Variants in GUCY1A2 observed in about 807,000 individuals in gnomAD.
The protein encoded by GUCY1A2 is guanylate cyclase soluble subunit alpha-2.
GUCY1A2 carries 27 observed loss-of-function variants against 63.5 expected under a neutral mutation model. The ratio of observed to expected loss-of-function variants is 0.43; its 90% CI spans 0.31 to 0.59. GUCY1A2 has a LOEUF of 0.59. GUCY1A2 is among the 20% of genes least tolerant of loss of function. The pLI, the probability that GUCY1A2 is intolerant of heterozygous loss-of-function variation, is 0.11. For synonymous variants in GUCY1A2, 364 were observed against 343.5 expected, an observed-to-expected ratio of 1.06 and a Z score of -0.66; for missense variants, 768 against 913.3, an observed-to-expected ratio of 0.84 and a Z score of 2.05.
intron 3 of GUCY1A2, among the ~76,000 whole-genome samples, chr11:106,968,231 T>C (rs1241601077): frequency 1.3e-5 from 2 of 152,188 alleles, no homozygotes; most frequent in Non-Finnish European, 2.9e-5. Context: ...AATCAAAATA[T>C]CTGGGTATCA....
Position 106,831,845 on chromosome 11 carries a change from G to A in GUCY1A2, c.1207-21367C>T, listed in dbSNP as rs181206255. 7.2e-5 allele frequency among the ~76,000 whole-genome samples: 11 copies of A among 152,208 alleles called. No individual in the cohort carries two copies. The East Asian group carries it at 1.9e-3, about 27-fold the overall frequency. On this transcript the variant is annotated intron_variant, in intron 4 of 7. Transcript: ENST00000526355. The stretch of plus-strand genomic sequence containing the variant: ...AATACTTACCTTGACTAATATACCA[G>A]GTCTTGGTAAGAAATCATTTTCCCC...
In GUCY1A2 at chr11:106,964,010, C is replaced by T. The variant is rs762024830; in HGVS notation, c.487+14609G>A. On this transcript the variant is annotated intron_variant, in intron 3 of 7. Transcript: ENST00000526355. ...TTTGTGCCATTTGCTTTCTTATTCT[C>T]TCTCATTCCCCCTTCTCTTTTGCTA... 1.3e-4 allele frequency among the ~76,000 whole-genome samples: 20 copies of T among 151,872 alleles called. 1 individual carries two copies. Among genetic ancestry groups the T allele is most frequent in the Non-Finnish European group, 2.8e-4 (19 of 67,916 alleles).
At chr11:106,832,762 G>A (rs933884297) in intron 4 of GUCY1A2, among the ~76,000 whole-genome samples, 1 of 152,072 alleles carries the variant, frequency 6.6e-6, no homozygotes, top group Non-Finnish European at 1.5e-5. Context: ...TTATTTGGAT[G>A]CACATTGGTT....
At chr11:106,806,348 G>T (rs73551838) in intron 5 of GUCY1A2, among the ~76,000 whole-genome samples, 1 of 152,266 alleles carries the variant, frequency 6.6e-6, no homozygotes, top group African/African-American at 2.4e-5. Flanking sequence ...AAAAGATGGG[G>T]ATGCTAAAGA....
intron 3 of GUCY1A2, among the ~76,000 whole-genome samples, chr11:106,951,330 A>G (rs1027021875): frequency 3.3e-5 from 5 of 152,192 alleles, no homozygotes; most frequent in African/African-American, 1.2e-4. Context: ...GTCTTCCACA[A>G]TGGTTGAACT....
At chr11:106,875,717 A>G (rs1859739573) in intron 4 of GUCY1A2, among the ~76,000 whole-genome samples, 1 of 152,130 alleles carries the variant, frequency 6.6e-6, no homozygotes, top group South Asian at 2.1e-4. Flanking sequence ...ATACTAAATG[A>G]CCATCAATTA....
chr11:106,961,666 A>G (rs1192943419), intron 3 of GUCY1A2, among the ~76,000 whole-genome samples: 1 of 152,240 alleles, frequency 6.6e-6, no homozygotes, highest in Admixed American at 6.5e-5. Context: ...AAGAGTCACA[A>G]TTAAAGAAGC....
intron 3 of GUCY1A2, among the ~76,000 whole-genome samples, chr11:106,944,350 G>A (rs1378266595): frequency 6.6e-6 from 1 of 151,888 alleles, no homozygotes. Context: ...GGAGGCTGAG[G>A]TGGGAGAATC....
chr11:106,799,540 G>C (rs1397186677), intron 5 of GUCY1A2, among the ~76,000 whole-genome samples: 1 of 152,120 alleles, frequency 6.6e-6, no homozygotes, highest in Non-Finnish European at 1.5e-5. Context: ...TACCAAAACA[G>C]AGATGTAGAC....
At chr11:106,697,740 A>C (rs952994335) in intron 7 of GUCY1A2, among the ~76,000 whole-genome samples, 3 of 152,214 alleles carry the variant, frequency 2.0e-5, no homozygotes, top group African/African-American at 7.2e-5. Context: ...TAATTCTGAG[A>C]GTGAATAAAT....
In GUCY1A2 at chr11:106,706,904, T is replaced by C. The variant is rs568325982; in HGVS notation, c.1991+1608A>G. Among the ~76,000 whole-genome samples the C allele has an allele frequency of 2.4e-4, 37 of 152,292 alleles. 1 individual carries two copies. The highest frequency in any genetic ancestry group is 8.4e-4 in the African/African-American group (35 of 41,572). On this transcript the variant is annotated intron_variant, in intron 7 of 7. Transcript: ENST00000526355. ...ATGGTAATTGTTGTCAGATCATCTGTAATATGCCCAGAATTGTGTTGGGAA... is the reference window on the plus strand; with the variant it reads ...ATGGTAATTGTTGTCAGATCATCTGCAATATGCCCAGAATTGTGTTGGGAA...
chr11:106,873,058 T>G (rs772422219), intron 4 of GUCY1A2, among the ~76,000 whole-genome samples: 1 of 152,220 alleles, frequency 6.6e-6, no homozygotes, highest in Non-Finnish European at 1.5e-5. Context: ...CTGAGAATGA[T>G]AGCTTGCAGC....
At chr11:106,758,879 G>A (rs1166016530) in intron 6 of GUCY1A2, among the ~76,000 whole-genome samples, 4 of 152,162 alleles carry the variant, frequency 2.6e-5, no homozygotes, top group African/African-American at 9.7e-5. Flanking sequence ...TCAAAGGGGA[G>A]AGATGAAAGG....
chr11:106,679,815 C>A lies in GUCY1A2; in HGVS notation c.*7734G>T, dbSNP rs905328109. On this transcript the variant is annotated 3_prime_UTR_variant, in exon 8 of 8. Coordinates refer to ENST00000526355, the MANE Select transcript of GUCY1A2 (RefSeq NM_000855.3). The stretch of plus-strand genomic sequence containing the variant: ...CTTTCATTTACCTTAATCATTGTAA[C>A]CAAGACTAGTTCTATCTGCCACCTT... 4.6e-6 allele frequency: 1 copy of A among 217,680 alleles called. No individual in the cohort carries two copies. Among genetic ancestry groups the A allele is most frequent in the African/African-American group, 2.3e-5 (1 of 44,400 alleles). 13.5% of individuals were successfully genotyped at this position (217,680 alleles called of 1,614,324 possible). A position where few individuals can be genotyped will look rare whatever the true frequency, so the allele number is the denominator to read the frequency against.
intron 6 of GUCY1A2, among the ~76,000 whole-genome samples, chr11:106,739,777 T>C (rs1863658140): frequency 6.6e-6 from 1 of 152,182 alleles, no homozygotes; most frequent in South Asian, 2.1e-4. Context: ...TGGTGAACCA[T>C]AAGATATCCC....
Position 106,986,074 on chromosome 11 carries a change from T to A in GUCY1A2, c.361A>T (p.Ile121Phe). Residue 121 changes from isoleucine (I) to phenylalanine (F), a missense_variant, in exon 2 of 8, where the codon ATT becomes TTT. By Grantham distance (21) the Ile-to-Phe change is conservative. Coordinates refer to ENST00000526355, the MANE Select transcript of GUCY1A2 (RefSeq NM_000855.3). ...CCGAAATCAATTTTTACTTACCCAA[T>A]AACTTGATGTTCATAATACTGCAGT... ...RTLQYYEHQV[I>F]GYRDAEKNFH... 7.0e-7 allele frequency: 1 copy of A among 1,429,034 alleles called. No homozygotes were observed. The highest frequency in any genetic ancestry group is 9.9e-7 in the Non-Finnish European group (1 of 1,011,156). 88.5% of individuals were successfully genotyped at this position (1,429,034 alleles called of 1,614,324 possible).
intron 1 of GUCY1A2, among the ~76,000 whole-genome samples, chr11:107,008,801 T>C (rs1861706279): frequency 6.6e-6 from 1 of 152,212 alleles, no homozygotes. Flanking sequence ...TGTGCGTGTG[T>C]ACATAAAAAC....
intron 3 of GUCY1A2, among the ~76,000 whole-genome samples, chr11:106,971,276 C>G (rs896567142): frequency 6.6e-6 from 1 of 150,522 alleles, no homozygotes; most frequent in Non-Finnish European, 1.5e-5. Context: ...GGATGGAAGA[C>G]TATAATAAAA....
At chr11:106,829,736 G>A (rs756157104) in intron 4 of GUCY1A2, among the ~76,000 whole-genome samples, 22 of 152,150 alleles carry the variant, frequency 1.4e-4, no homozygotes, top group Non-Finnish European at 1.9e-4. Context: ...GATGAAATCA[G>A]TCCACTACTT....
Sources: allele counts gnomAD v4.1 joint callset (sites outside exome capture counted in the v4.1 genomes callset), GRCh38; gene constraint gnomAD v4.1.1; transcripts MANE v1.5; gene names NCBI Gene and HGNC (gene_info 2026-07-23, HGNC 2026-07-21).